PLAC8L1: variants seen among roughly 807,000 people sequenced by gnomAD.
PLAC8L1 encodes the protein PLAC8 like 1, also known as PLAC8-like protein 1.
PLAC8L1 carries 13 observed loss-of-function variants against 16.3 expected under a neutral mutation model. The ratio of observed to expected loss-of-function variants is 0.80; its 90% CI spans 0.52 to 1.27. The LOEUF (loss-of-function observed/expected upper bound fraction) is 1.27. Among genes scored for constraint, PLAC8L1 ranks in the 50% most tolerant of loss-of-function variants. PLAC8L1 has a pLI of 0.00. For synonymous variants in PLAC8L1, 78 were observed against 79.3 expected (o/e 0.98, Z 0.09); for missense variants, 184 against 220.2 (o/e 0.84, Z 1.04).
At chr5:146,099,053 G>A (rs1763764609) in intron 1 of PLAC8L1, among the ~76,000 whole-genome samples, 1 of 152,132 alleles carries the variant, frequency 6.6e-6, no homozygotes, top group Non-Finnish European at 1.5e-5. Context: ...TCAAAAGCGA[G>A]GTAAGGAAAA....
intron 2 of PLAC8L1, among the ~76,000 whole-genome samples, chr5:146,090,718 C>T (rs1763596609): frequency 1.3e-5 from 2 of 152,030 alleles, no homozygotes; most frequent in South Asian, 2.1e-4. Context: ...AATATTAAGA[C>T]ATCCAGAAAC....
At chr5:146,096,549 T>G (rs1763720877) in intron 2 of PLAC8L1, among the ~76,000 whole-genome samples, 2 of 152,240 alleles carry the variant, frequency 1.3e-5, no homozygotes, top group African/African-American at 2.4e-5. Flanking sequence ...CCCAAAGGAC[T>G]TGTTCAACGT....
intron 1 of PLAC8L1, among the ~76,000 whole-genome samples, chr5:146,101,451 G>A (rs898339703): frequency 2.0e-5 from 3 of 152,132 alleles, no homozygotes; most frequent in African/African-American, 7.2e-5. Context: ...CATCTTTGCT[G>A]ATTTGAAATT....
intron 2 of PLAC8L1, among the ~76,000 whole-genome samples, chr5:146,094,355 C>G (rs1763676884): frequency 6.6e-6 from 1 of 152,212 alleles, no homozygotes; most frequent in Non-Finnish European, 1.5e-5. Context: ...GCTGGGATTA[C>G]AGGTGTGAAG....
At chr5:146,103,867 C>A (rs1334250706) in intron 1 of PLAC8L1, 19 of 985,272 alleles carry the variant, frequency 1.9e-5, no homozygotes, top group Non-Finnish European at 2.2e-5. Context: ...TCAAACTCAG[C>A]TGAAGCCAAA....
intron 1 of PLAC8L1, among the ~76,000 whole-genome samples, chr5:146,099,658 CAAAAA>C (rs10581890): frequency 0.3 from 26,388 of 88,632 alleles, 3,209 homozygotes; most frequent in Admixed American, 0.4. Flanking sequence ...GACTCCGTCT[CAAAAA>C]AAAAAAAAAA....
rs773950344 is a variant in PLAC8L1, at chr5:146,085,564, T to G, written c.290A>C (p.Glu97Ala). The change falls in exon 3 of 4, where the codon GAG becomes GCG. Residue 97 changes from glutamate to alanine, a missense_variant. Glu to Ala is a moderately radical substitution (Grantham distance 107). Transcript: ENST00000311450. ...FCGLFCPMCL[E>A]CDIARHYGEC... ...TCCATAATGCCTGGCGATGTCACAC[T>G]CAAGACACATAGGACAGAATAGACC... 6.2e-7 allele frequency: 1 copy of G among 1,614,118 alleles called. No individual in the cohort carries two copies. Among genetic ancestry groups the G allele is most frequent in the South Asian group, 1.1e-5 (1 of 91,082 alleles).
chr5:146,089,182 G>A (rs895382510), intron 2 of PLAC8L1, among the ~76,000 whole-genome samples: 4 of 151,554 alleles, frequency 2.6e-5, no homozygotes, highest in Non-Finnish European at 5.9e-5. Flanking sequence ...AAAAACACAC[G>A]CTTTTGTTTT....
rs950831637 is a variant in PLAC8L1 at position 146,098,167 on chromosome 5, T to C, written c.245A>G (p.Asp82Gly). 1 of 1,612,430 alleles carries C rather than the reference T, an allele frequency of 6.2e-7. No homozygotes were observed. Among genetic ancestry groups the C allele is most frequent in the Non-Finnish European group, 8.5e-7 (1 of 1,179,020 alleles). The change falls in exon 2 of 4, where the codon GAT (aspartate) becomes GGT (glycine). Residue 82 changes from aspartate to glycine, a missense_variant. Physicochemically the swap from Asp to Gly is moderately conservative, Grantham distance 94. Coordinates refer to ENST00000311450, the MANE Select transcript of PLAC8L1 (RefSeq NM_001029869.3). ...WSTGLFSVCR[D>G]RRICFCGLFC... ...GAGGAAAAACTTACAAATTCTCCTA[T>C]CTCTGCAGACACTGAAGAGACCGGT...
chr5:146,090,227 T>A (rs1264855266), intron 2 of PLAC8L1, among the ~76,000 whole-genome samples: 1 of 152,092 alleles, frequency 6.6e-6, no homozygotes, highest in African/African-American at 2.4e-5. Context: ...CAAGGATAAG[T>A]ATCTAGAATA....
chr5:146,085,421 A>C (rs1270313545), intron 3 of PLAC8L1, 40 bp downstream of exon 3: 1 of 1,580,106 alleles, frequency 6.3e-7, no homozygotes, highest in South Asian at 1.2e-5. Context: ...CTAGGTTTTC[A>C]TACAGATTCG....
chr5:146,085,506 G>A lies in PLAC8L1; in HGVS notation c.348C>T (p.Ser116=). The part of the protein sequence containing the change: ...ECLCWPLLPG[S]TFALRIGTRE... The stretch of plus-strand genomic sequence containing the variant: ...TGGTGCCAATTCTCAGTGCAAAGGT[G>A]GACCCAGGTAACAACGGCCAACAAA... The change falls in exon 3 of 4, where the codon TCC becomes TCT. Residue 116 remains serine (S), a synonymous_variant. Coordinates refer to ENST00000311450, the MANE Select transcript of PLAC8L1 (RefSeq NM_001029869.3). 1.2e-6 allele frequency: 2 copies of A among 1,614,084 alleles called. No homozygotes were observed. The highest frequency in any genetic ancestry group is 1.7e-6 in the Non-Finnish European group (2 of 1,180,020).
At chr5:146,103,814 T>C (rs934301882) in intron 1 of PLAC8L1, 3 of 985,428 alleles carry the variant, frequency 3.0e-6, no homozygotes, top group Non-Finnish European at 3.6e-6. Flanking sequence ...ACTTGGAGTA[T>C]TGTGAAATCA....
chr5:146,096,770 C>G (rs1387147016), intron 2 of PLAC8L1, among the ~76,000 whole-genome samples: 4 of 152,212 alleles, frequency 2.6e-5, no homozygotes, highest in Non-Finnish European at 1.5e-5. Context: ...CTCTAGCTCT[C>G]TGTACCTTAG....
intron 3 of PLAC8L1, 154 bp from the exon 4 acceptor site, chr5:146,084,726 A>G: frequency 1.1e-6 from 1 of 935,528 alleles, no homozygotes; most frequent in Non-Finnish European, 1.5e-6. Context: ...AAGTTGCATA[A>G]GTGCCAAGCA....
Position 146,104,175 on chromosome 5 carries a change from A to G in PLAC8L1, c.119+18T>C. On this transcript the variant is annotated intron_variant, in intron 1 of 3. Coordinates refer to ENST00000311450, the MANE Select transcript of PLAC8L1 (RefSeq NM_001029869.3). ...CTAAAGAGCAAAAGCTAGGGGAAAA[A>G]CTCACCCTATTCCCTACCTCAAGTT... 6.2e-7 allele frequency: 1 copy of G among 1,611,766 alleles called. No homozygotes were observed. Among genetic ancestry groups the G allele is most frequent in the Non-Finnish European group, 8.5e-7 (1 of 1,178,898 alleles).
intron 2 of PLAC8L1, among the ~76,000 whole-genome samples, chr5:146,093,763 A>G (rs1763663681): frequency 6.6e-6 from 1 of 152,190 alleles, no homozygotes; most frequent in Non-Finnish European, 1.5e-5. Flanking sequence ...ATGCCTTCTC[A>G]TGCCTCCTTC....
intron 2 of PLAC8L1, among the ~76,000 whole-genome samples, chr5:146,089,981 C>T (rs1002848542): frequency 5.9e-5 from 9 of 151,858 alleles, no homozygotes; most frequent in African/African-American, 9.6e-5. Context: ...TCAGGTGATC[C>T]GCCCGCTTCA....
At chr5:146,095,838 T>A (rs1763709857) in intron 2 of PLAC8L1, among the ~76,000 whole-genome samples, 1 of 152,142 alleles carries the variant, frequency 6.6e-6, no homozygotes, top group African/African-American at 2.4e-5. Context: ...ATAAAAACAT[T>A]TAAAGCTGAT....
Sources: allele counts gnomAD v4.1 joint callset (sites outside exome capture counted in the v4.1 genomes callset), GRCh38; gene constraint gnomAD v4.1.1; transcripts MANE v1.5; gene names NCBI Gene and HGNC (gene_info 2026-07-23, HGNC 2026-07-21).